Variants in ADAMTS2 observed in about 807,000 individuals in gnomAD.
The protein encoded by ADAMTS2 is ADAM metallopeptidase with thrombospondin type 1 motif 2.
Under a neutral mutation model 123.0 loss-of-function variants are expected in ADAMTS2, and 50 were observed. The ratio of observed to expected loss-of-function variants is 0.41; its 90% confidence interval spans 0.32 to 0.51. ADAMTS2 has a LOEUF of 0.51. ADAMTS2 is among the 20% of genes least tolerant of loss of function. ADAMTS2 has a pLI of 0.35. For synonymous variants in ADAMTS2, 678 were observed against 695.4 expected (o/e 0.98, Z 0.39); for missense variants, 1,494 against 1,705.2 (o/e 0.88, Z 2.18).
chr5:179,302,982 G>T (rs569118713), intron 2 of ADAMTS2, among the ~76,000 whole-genome samples: 1 of 151,198 alleles, frequency 6.6e-6, no homozygotes, highest in Admixed American at 6.6e-5. Context: ...GGTACAGGAG[G>T]GCAGAGTGGT....
At chr5:179,329,200 G>C (rs74408553) in intron 2 of ADAMTS2, among the ~76,000 whole-genome samples, 13 of 151,770 alleles carry the variant, frequency 8.6e-5, no homozygotes, top group Non-Finnish European at 1.3e-4. Context: ...GGTGGCGGGC[G>C]CCTGTAGTCC....
At position 179,154,927 on chromosome 5, in the gene ADAMTS2, G is replaced by A. The variant is rs2113254774; in HGVS notation, c.1133-8C>T. 1 of 1,611,388 alleles carries A rather than the reference G, an allele frequency of 6.2e-7. No homozygotes were observed. The highest frequency in any genetic ancestry group is 1.1e-5 in the South Asian group (1 of 90,580). ...CGGTGACAGGAGCATAGCCTGGGAGGAGACAAGAGGCGGCTCCAGATGCTG... is the reference window on the plus strand; with the variant it reads ...CGGTGACAGGAGCATAGCCTGGGAGAAGACAAGAGGCGGCTCCAGATGCTG... On this transcript the variant is annotated splice_polypyrimidine_tract_variant and splice_region_variant and intron_variant, in intron 6 of 21. Coordinates refer to ENST00000251582, the MANE Select transcript of ADAMTS2 (RefSeq NM_014244.5).
chr5:179,159,962 A>G (rs1159373901), intron 5 of ADAMTS2, among the ~76,000 whole-genome samples: 2 of 152,136 alleles, frequency 1.3e-5, no homozygotes, highest in African/African-American at 4.8e-5. Context: ...TGTTCTCACC[A>G]TAGACTCCAA....
chr5:179,344,222 C>A, intron 1 of ADAMTS2, 61 bp from the exon 2 acceptor site: 2 of 1,525,066 alleles, frequency 1.3e-6, no homozygotes, highest in East Asian at 2.5e-5. Context: ...CTCAGAGACC[C>A]GCCGGCAAGC....
At position 179,167,509 on chromosome 5, in the gene ADAMTS2, C is replaced by G. The variant is rs573945796; in HGVS notation, c.976-8630G>C. On this transcript the variant is annotated intron_variant, in intron 5 of 21. Coordinates refer to ENST00000251582, the MANE Select transcript of ADAMTS2 (RefSeq NM_014244.5). ...AGCTGAATTATCTATGCTCTTCCCT[C>G]CTTCAGTCAAGGAGACGTGGGAGGA... is the stretch of plus-strand genomic sequence containing the variant. 1.2e-4 allele frequency among the ~76,000 whole-genome samples: 19 copies of G among 152,346 alleles called. No homozygotes were observed. In the South Asian group the frequency reaches 3.9e-3, roughly 32 times the overall value.
intron 10 of ADAMTS2, among the ~76,000 whole-genome samples, chr5:179,143,063 T>G (rs1332601265): frequency 6.6e-6 from 1 of 152,160 alleles, no homozygotes; most frequent in East Asian, 1.9e-4. Flanking sequence ...AAATCATGTC[T>G]AAAGAACTAA....
chr5:179,123,403 TTTTTG>T (rs1156954102), intron 19 of ADAMTS2, among the ~76,000 whole-genome samples: 2 of 152,146 alleles, frequency 1.3e-5, no homozygotes, highest in African/African-American at 2.4e-5. Context: ...AAGGTCTGTG[TTTTTG>T]TTTTGTTTTG....
rs1311802471 is a variant in ADAMTS2 at position 179,126,118 on chromosome 5, G to A, written c.2630C>T (p.Thr877Ile). Reference sequence around the variant, plus strand: ...CAGCCTCCGGCGGCAGCCATACTTGGTGAACTGGGACCCTGAAGGCAGAGA... The same window carrying A: ...CAGCCTCCGGCGGCAGCCATACTTGATGAACTGGGACCCTGAAGGCAGAGA... Reference protein sequence around the residue: ...SKPCGGGSQFTKYGCRRRLDH... With the variant: ...SKPCGGGSQFIKYGCRRRLDH... The change falls in exon 18 of 22, where the codon ACC becomes ATC. Residue 877 changes from threonine to isoleucine, a missense_variant. Thr to Ile is a moderately conservative substitution (Grantham distance 89, BLOSUM62 -1). Transcript: ENST00000251582. 1.9e-6 allele frequency: 3 copies of A among 1,613,330 alleles called. No individual in the cohort carries two copies. The highest frequency in any genetic ancestry group is 1.7e-5 in the Admixed American group (1 of 60,032).
At chr5:179,333,431 C>G (rs568223348) in intron 2 of ADAMTS2, among the ~76,000 whole-genome samples, 6 of 152,058 alleles carry the variant, frequency 3.9e-5, no homozygotes, top group Non-Finnish European at 5.9e-5. Context: ...AAGTACAGAC[C>G]CCAGGGCTCA....
chr5:179,142,951 T>C (rs1763195431), intron 10 of ADAMTS2, among the ~76,000 whole-genome samples: 1 of 152,062 alleles, frequency 6.6e-6, no homozygotes, highest in African/African-American at 2.4e-5. Flanking sequence ...ACGCAGGAAA[T>C]GAAGCAGGTG....
At chr5:179,239,359 G>C (rs918161811) in intron 3 of ADAMTS2, among the ~76,000 whole-genome samples, 2 of 152,280 alleles carry the variant, frequency 1.3e-5, no homozygotes, top group East Asian at 1.9e-4. Flanking sequence ...GCAGAGCTTT[G>C]GCTGTGCAAA....
intron 3 of ADAMTS2, among the ~76,000 whole-genome samples, chr5:179,233,702 GAACA>G (rs1765464045): frequency 6.6e-6 from 1 of 151,996 alleles, no homozygotes; most frequent in African/African-American, 2.4e-5. Context: ...AAAACAAAAT[GAACA>G]AACAAACAAA....
chr5:179,176,687 C>G (rs903812857), intron 5 of ADAMTS2, among the ~76,000 whole-genome samples: 1 of 152,258 alleles, frequency 6.6e-6, no homozygotes, highest in African/African-American at 2.4e-5. Flanking sequence ...CCTGCCCCTT[C>G]TGCACACAGG....
intron 3 of ADAMTS2, among the ~76,000 whole-genome samples, chr5:179,268,974 G>A (rs1399174069): frequency 2.0e-5 from 3 of 152,236 alleles, no homozygotes; most frequent in Non-Finnish European, 2.9e-5. Flanking sequence ...GGAAGAAAGG[G>A]CTTTGCAGAT....
chr5:179,177,782 A>AAAAGAC (rs1763963376), intron 5 of ADAMTS2, among the ~76,000 whole-genome samples: 1 of 152,212 alleles, frequency 6.6e-6, no homozygotes, highest in Non-Finnish European at 1.5e-5. Context: ...AAGAAAAAGA[A>AAAAGAC]AAGGCTTAGG....
At chr5:179,187,543 C>T (rs578072018) in intron 4 of ADAMTS2, among the ~76,000 whole-genome samples, 2 of 152,202 alleles carry the variant, frequency 1.3e-5, no homozygotes, top group Non-Finnish European at 2.9e-5. Flanking sequence ...TATGACCCAG[C>T]GTAGGCCTGT....
intron 2 of ADAMTS2, among the ~76,000 whole-genome samples, chr5:179,328,059 C>T (rs11951985): frequency 0.065 from 9,869 of 152,262 alleles, 621 homozygotes; most frequent in African/African-American, 0.17. Flanking sequence ...GACAGAGTCT[C>T]GCTCTGTCGC....
At position 179,307,492 on chromosome 5, in the gene ADAMTS2, G is replaced by A. The variant is rs988498760; in HGVS notation, c.535-34428C>T. Among the ~76,000 whole-genome samples, 28 of 152,250 alleles carry A rather than the reference G, an allele frequency of 1.8e-4. No homozygotes were observed. The highest frequency in any genetic ancestry group is 6.3e-4 in the African/African-American group (26 of 41,544). On this transcript the variant is annotated intron_variant, in intron 2 of 21. Coordinates refer to ENST00000251582, the MANE Select transcript of ADAMTS2 (RefSeq NM_014244.5). This position sits in a 1 kb window ranked among gnomAD's most constrained non-coding sequence, Gnocchi z 5.6. ...CACCATCCACTAATAGCACCATCAC[G>A]TATGCCAGGCTGGGAGCCCGGGCGT...
chr5:179,270,854 C>T (rs1766514010), intron 3 of ADAMTS2, among the ~76,000 whole-genome samples: 1 of 152,220 alleles, frequency 6.6e-6, no homozygotes, highest in South Asian at 2.1e-4. Flanking sequence ...CAGACAGGAA[C>T]ATCAAGCAAA....
Sources: allele counts gnomAD v4.1 joint callset (sites outside exome capture counted in the v4.1 genomes callset), GRCh38; gene constraint gnomAD v4.1.1; non-coding constraint Gnocchi (gnomAD v3.1); transcripts MANE v1.5; gene names NCBI Gene and HGNC (gene_info 2026-07-23, HGNC 2026-07-21).